AMMECR1: variants seen among roughly 807,000 people sequenced by gnomAD.
The protein encoded by AMMECR1 is nuclear protein AMMECR1.
Under a neutral mutation model 22.5 loss-of-function variants are expected in AMMECR1, and 3 were observed. The ratio of observed to expected loss-of-function variants is 0.13; its 90% CI spans 0.06 to 0.35. The LOEUF (loss-of-function observed/expected upper bound fraction) is 0.35. Ranked by LOEUF, AMMECR1 falls within the 10% of genes least tolerant of loss-of-function variation. The probability of loss-of-function intolerance (pLI) is 1.00; values close to 1 mark genes in which losing one functional copy is unlikely to be tolerated. For synonymous variants in AMMECR1, 130 were observed against 116.7 expected (o/e 1.11, Z -0.74); for missense variants, 235 against 278.7 (o/e 0.84, Z 1.12).
At position 110,347,509 on chromosome X, in the gene AMMECR1, T is replaced by C. The variant is rs187414311; in HGVS notation, c.-147-29660A>G. Reference sequence around the variant, plus strand: ...GTTCTTCGCTAATTCTGTAATGTATTCTTCTCACAATGTGAACAGATCTTT... The same window carrying C: ...GTTCTTCGCTAATTCTGTAATGTATCCTTCTCACAATGTGAACAGATCTTT... On this transcript the variant is annotated intron_variant, in intron 2 of 7. Transcript: ENST00000372057. Among the ~76,000 whole-genome samples, 9 of 112,995 alleles carry C rather than the reference T, an allele frequency of 8.0e-5. No homozygotes were observed. In the East Asian group the frequency reaches 2.5e-3, roughly 31 times the overall value.
intron 2 of AMMECR1, among the ~76,000 whole-genome samples, chrX:110,244,820 TG>T (rs953739818): frequency 3.6e-5 from 4 of 112,372 alleles, no homozygotes; most frequent in Admixed American, 9.4e-5. Context: ...TAACTACAGC[TG>T]TGTTGTTATA....
At chrX:110,324,883 A>G (rs1217959543) in intron 2 of AMMECR1, among the ~76,000 whole-genome samples, 3 of 111,072 alleles carry the variant, frequency 2.7e-5, no homozygotes, top group African/African-American at 9.8e-5. Flanking sequence ...ATGTTGCTGG[A>G]TCCATTTACT....
chrX:110,248,786 C>T (rs1392608839), intron 2 of AMMECR1, among the ~76,000 whole-genome samples: 1 of 112,191 alleles, frequency 8.9e-6, no homozygotes, highest in African/African-American at 3.2e-5. Flanking sequence ...ATTCACAGTT[C>T]CTTTATGGTG....
chrX:110,419,499 T>G (rs2068702227), intron 2 of AMMECR1, among the ~76,000 whole-genome samples: 1 of 112,710 alleles, frequency 8.9e-6, no homozygotes, highest in Non-Finnish European at 1.9e-5. Context: ...TTATGTCTAT[T>G]TATATTTGTC....
At chrX:110,239,856 C>T (rs1006078396) in intron 2 of AMMECR1, among the ~76,000 whole-genome samples, 15 of 111,868 alleles carry the variant, frequency 1.3e-4, no homozygotes, top group East Asian at 2.8e-4. Context: ...GTGGATCTCT[C>T]GGCAGAAACC....
intron 2 of AMMECR1, among the ~76,000 whole-genome samples, chrX:110,406,182 A>C (rs762002966): frequency 1.9e-4 from 21 of 109,743 alleles, no homozygotes; most frequent in Non-Finnish European, 3.4e-4. Context: ...TAGGTATACA[A>C]GTGCCATGGT....
At chrX:110,294,213 C>T (rs189157803) in intron 1 of AMMECR1, among the ~76,000 whole-genome samples, 1 of 111,961 alleles carries the variant, frequency 8.9e-6, no homozygotes, top group African/African-American at 3.2e-5. Context: ...TAGACCAAGC[C>T]TCATCCCCGA....
intron 2 of AMMECR1, among the ~76,000 whole-genome samples, chrX:110,261,222 A>G (rs1237482365): frequency 1.8e-5 from 2 of 112,070 alleles, no homozygotes; most frequent in Non-Finnish European, 3.8e-5. Context: ...CACAATAAAA[A>G]AAAAGAAGAG....
rs187110493 is a variant in AMMECR1 at position 110,430,663 on chromosome X, G to A, written c.-293-3860C>T. On this transcript the variant is annotated intron_variant, in intron 1 of 7. Coordinates refer to the AMMECR1 transcript ENST00000372057. ...CCAGGCATGAAAAGGAAGCTGGCAT[G>A]GTCTTGTGTTGTCAGTTAACCCTTG... is the stretch of plus-strand genomic sequence containing the variant. Among the ~76,000 whole-genome samples the A allele has an allele frequency of 9.3e-4, 104 of 112,293 alleles. 1 individual carries two copies. The highest frequency in any genetic ancestry group is 9.1e-3 in the Middle Eastern group (2 of 219).
At position 110,384,268 on chromosome X, in the gene AMMECR1, G is replaced by T. The variant is rs939759948; in HGVS notation, c.-148+42390C>A. On this transcript the variant is annotated intron_variant, in intron 2 of 7. Coordinates refer to the AMMECR1 transcript ENST00000372057. ...ATGGGCTCATTAAGTATTTGTTGGG[G>T]TCAGTATATTATACTGAAAAAAGCA... is the stretch of plus-strand genomic sequence containing the variant. Among the ~76,000 whole-genome samples, 7 of 110,417 alleles carry T rather than the reference G, an allele frequency of 6.3e-5. No homozygotes were observed. In the East Asian group the frequency reaches 8.5e-4, roughly 13 times the overall value.
intron 2 of AMMECR1, among the ~76,000 whole-genome samples, chrX:110,366,016 C>T (rs755142820): frequency 9.0e-6 from 1 of 111,475 alleles, no homozygotes; most frequent in African/African-American, 3.3e-5. Flanking sequence ...TAGATAGAAC[C>T]GAAATCTCTG....
chrX:110,336,402 G>A (rs770102281), intron 2 of AMMECR1, among the ~76,000 whole-genome samples: 1 of 110,519 alleles, frequency 9.0e-6, no homozygotes, highest in Admixed American at 9.7e-5. Flanking sequence ...AAAACATCTC[G>A]ACTGGGTGTG....
intron 1 of AMMECR1, among the ~76,000 whole-genome samples, chrX:110,286,889 T>C (rs2067883217): frequency 9.0e-6 from 1 of 110,918 alleles, no homozygotes. Flanking sequence ...TGATTATCTT[T>C]GATAGCCAGG....
At chrX:110,255,805 A>G (rs760274649) in intron 2 of AMMECR1, among the ~76,000 whole-genome samples, 1 of 112,447 alleles carries the variant, frequency 8.9e-6, no homozygotes, top group Admixed American at 9.4e-5. Context: ...ATAAGTCTAT[A>G]GTTTCCATAT....
At chrX:110,201,876 T>C (rs2067398629) in intron 4 of AMMECR1, among the ~76,000 whole-genome samples, 1 of 112,118 alleles carries the variant, frequency 8.9e-6, no homozygotes, top group African/African-American at 3.2e-5. Context: ...AAAAGTTACT[T>C]TGTGTTACAA....
chrX:110,338,063 G>A (rs1273594171), intron 2 of AMMECR1, among the ~76,000 whole-genome samples: 1 of 111,939 alleles, frequency 8.9e-6, no homozygotes, highest in Non-Finnish European at 1.9e-5. Context: ...GGGACTGAGG[G>A]AAGGCAAGAA....
At chrX:110,217,216 G>A (rs1157539129) in intron 2 of AMMECR1, among the ~76,000 whole-genome samples, 1 of 107,062 alleles carries the variant, frequency 9.3e-6, no homozygotes, top group East Asian at 2.9e-4. Flanking sequence ...ACAAAGAAAA[G>A]AAATAATCAT....
At chrX:110,381,771 A>G (rs1469133419) in intron 2 of AMMECR1, among the ~76,000 whole-genome samples, 1 of 111,181 alleles carries the variant, frequency 9.0e-6, no homozygotes, top group African/African-American at 3.3e-5. Flanking sequence ...CCTTTATGGG[A>G]ACATGGATGC....
intron 2 of AMMECR1, among the ~76,000 whole-genome samples, chrX:110,336,763 G>T (rs1451191250): frequency 9.0e-6 from 1 of 110,669 alleles, no homozygotes; most frequent in African/African-American, 3.3e-5. Flanking sequence ...TGAAATTAAT[G>T]TAGGAAGAGC....
Sources: allele counts gnomAD v4.1 joint callset (sites outside exome capture counted in the v4.1 genomes callset), GRCh38; gene constraint gnomAD v4.1.1; transcripts MANE v1.5; gene names NCBI Gene and HGNC (gene_info 2026-07-23, HGNC 2026-07-21).